Variants in NCAPG observed in about 807,000 individuals in gnomAD.
NCAPG encodes the protein condensin complex subunit 3.
NCAPG carries 69 observed loss-of-function variants against 113.1 expected under a neutral mutation model. The observed-to-expected ratio is 0.61, with a 90% CI of 0.50 to 0.75. The LOEUF (loss-of-function observed/expected upper bound fraction) is 0.75, where lower values mean the gene tolerates loss of function less well. Among genes scored for constraint, NCAPG ranks in the 30% least tolerant of loss-of-function variants. The pLI is 0.00. For synonymous variants in NCAPG, 370 were observed against 415.8 expected (o/e 0.89, Z 1.34); for missense variants, 1,058 against 1,177.0 (o/e 0.90, Z 1.48).
At chr4:17,825,744 T>C (rs1721636102) in intron 11 of NCAPG, among the ~76,000 whole-genome samples, 183 bp downstream of exon 11, 1 of 152,056 alleles carries the variant, frequency 6.6e-6, no homozygotes, top group Non-Finnish European at 1.5e-5. Flanking sequence ...AGGCCTTAAT[T>C]AACTTTAATT....
chr4:17,830,868 T>G, intron 12 of NCAPG, 129 bp from the exon 13 acceptor site: 1 of 885,286 alleles, frequency 1.1e-6, no homozygotes, highest in Admixed American at 2.8e-5. Context: ...TCTGGCTATA[T>G]TGTTCTGTTT....
At chr4:17,831,573 A>C (rs1449936335) in intron 13 of NCAPG, among the ~76,000 whole-genome samples, 1 of 152,186 alleles carries the variant, frequency 6.6e-6, no homozygotes, top group Non-Finnish European at 1.5e-5. Flanking sequence ...TGGTTGAGAA[A>C]GACCTCACTA....
intron 19 of NCAPG, 34 bp from the exon 20 acceptor site, chr4:17,842,276 A>G: frequency 6.3e-7 from 1 of 1,591,420 alleles, no homozygotes; most frequent in South Asian, 1.1e-5. Flanking sequence ...GCAACTGATA[A>G]TAAATCCTGA....
Position 17,834,506 on chromosome 4 carries a change from G to C in NCAPG, c.2092G>C (p.Asp698His). The C allele has an allele frequency of 1.3e-6, 2 of 1,588,114 alleles. No individual in the cohort carries two copies. Among genetic ancestry groups the C allele is most frequent in the Non-Finnish European group, 8.6e-7 (1 of 1,167,948 alleles). The change falls in exon 14 of 21, where the codon GAT becomes CAT. Residue 698 changes from aspartate to histidine, a missense_variant. Physicochemically the swap from Asp to His is moderately conservative, Grantham distance 81 (BLOSUM62 -1). Transcript: ENST00000251496. ...TAKNVLKLLS[D>H]FLDSEVSELR... is the part of the protein sequence containing the mutation. ...TAAGAATGTTCTGAAACTCCTTTCTGATTTCTTAGATAGTGAGGTAAGAAA... is the reference window on the plus strand; with the variant it reads ...TAAGAATGTTCTGAAACTCCTTTCTCATTTCTTAGATAGTGAGGTAAGAAA...
intron 5 of NCAPG, 172 bp from the exon 6 acceptor site, chr4:17,817,089 G>C: frequency 2.0e-6 from 1 of 510,240 alleles, no homozygotes; most frequent in East Asian, 3.3e-5. Context: ...CTCCAGCCTG[G>C]TGACAGAGCG....
chr4:17,812,914 T>G lies in NCAPG; in HGVS notation c.316-3T>G. ...AATAAATTTTGATTTGTTTCTGTTT[T>G]AGTCTCATGAAGCAAACAGCAATGC... On this transcript the variant is annotated splice_region_variant and splice_polypyrimidine_tract_variant and intron_variant, in intron 2 of 20. Transcript: ENST00000251496. The G allele has an allele frequency of 3.7e-6, 6 of 1,612,614 alleles. No homozygotes were observed. The highest frequency in any genetic ancestry group is 5.1e-6 in the Non-Finnish European group (6 of 1,178,818).
Position 17,811,030 on chromosome 4 carries a change from G to A in NCAPG, c.-48G>A. 8.0e-7 allele frequency: 1 copy of A among 1,255,946 alleles called. No homozygotes were observed. The highest frequency in any genetic ancestry group is 1.1e-6 in the Non-Finnish European group (1 of 927,024). 77.8% of individuals were successfully genotyped at this position (1,255,946 alleles called of 1,614,324 possible). A position where few individuals can be genotyped will look rare whatever the true frequency, so the allele number is the denominator to read the frequency against. On this transcript the variant is annotated 5_prime_UTR_variant, in exon 1 of 21. Coordinates refer to ENST00000251496, the MANE Select transcript of NCAPG (RefSeq NM_022346.5). This position sits in a 1 kb window ranked among gnomAD's most constrained non-coding sequence, Gnocchi z 5.3. ...TGCCTCTGGGTTGGCGGGCTGGCAG[G>A]CTGTAGCCGAGCGCGGGCAGGACTC...
intron 13 of NCAPG, among the ~76,000 whole-genome samples, chr4:17,831,748 GGGA>G (rs1721879013): frequency 6.6e-6 from 1 of 152,154 alleles, no homozygotes; most frequent in South Asian, 2.1e-4. Context: ...ATTGAGCAAA[GGGA>G]AGAATAATAG....
intron 9 of NCAPG, among the ~76,000 whole-genome samples, chr4:17,824,481 T>C (rs1336760793): frequency 1.3e-5 from 2 of 152,136 alleles, no homozygotes; most frequent in Admixed American, 6.5e-5. Context: ...GAGGCAGCCT[T>C]TTCCTGATCA....
chr4:17,830,969 CAT>C (rs1316723419), intron 12 of NCAPG, 26 bp from the exon 13 acceptor site: 4 of 1,599,058 alleles, frequency 2.5e-6, no homozygotes, highest in Non-Finnish European at 3.4e-6. Context: ...TCTATGAAAT[CAT>C]ATGGAAAATT....
At chr4:17,827,233 C>T (rs1358079220) in intron 11 of NCAPG, among the ~76,000 whole-genome samples, 2 of 152,180 alleles carry the variant, frequency 1.3e-5, no homozygotes, top group East Asian at 3.8e-4. Context: ...AAATTAAGGG[C>T]TAGGTCATGT....
At chr4:17,819,411 T>TG (rs1721354153) in intron 7 of NCAPG, among the ~76,000 whole-genome samples, 1 of 152,112 alleles carries the variant, frequency 6.6e-6, no homozygotes, top group African/African-American at 2.4e-5. Flanking sequence ...TGGTTTATTT[T>TG]TTTTTTTTTG....
intron 6 of NCAPG, 94 bp downstream of exon 6, chr4:17,817,547 T>TACCTTTAATTAAG: frequency 4.2e-6 from 4 of 953,384 alleles, no homozygotes; most frequent in Non-Finnish European, 6.3e-6. Context: ...ATTATATTAA[T>TACCTTTAATTAAG]ACCTTTAATC....
Position 17,812,099 on chromosome 4 carries a change from C to T in NCAPG, c.112-122C>T. 5.3e-6 allele frequency: 4 copies of T among 755,280 alleles called. No individual in the cohort carries two copies. The South Asian group carries it at 7.0e-5, about 13-fold the overall frequency. The allele number at this position is 755,280 out of a possible 1,614,324, so 46.8% of individuals were successfully genotyped here. A position where few individuals can be genotyped will look rare whatever the true frequency, so the allele number is the denominator to read the frequency against. ...GCTGGTTTGGATAATTAAGAGTTTA[C>T]TAAATAAATATTTTAATTTGTCTGC... is the stretch of plus-strand genomic sequence containing the variant. On this transcript the variant is annotated intron_variant, in intron 1 of 20. Transcript: ENST00000251496.
In NCAPG at chr4:17,811,406, C is replaced by T. The variant is rs889149592; in HGVS notation, c.111+218C>T. Among the ~76,000 whole-genome samples, 3 of 152,238 alleles carry T rather than the reference C, an allele frequency of 2.0e-5. No individual in the cohort carries two copies. Among genetic ancestry groups the T allele is most frequent in the African/African-American group, 4.8e-5 (2 of 41,462 alleles). On this transcript the variant is annotated intron_variant, in intron 1 of 20. Coordinates refer to ENST00000251496, the MANE Select transcript of NCAPG (RefSeq NM_022346.5). This position sits in a 1 kb window ranked among gnomAD's most constrained non-coding sequence, Gnocchi z 5.3. ...CTCCGAAGCCTGGGCGTCGTTCACACGGGCCCCGCCTTGGCTTTTCTGAGC... is the reference window on the plus strand; with the variant it reads ...CTCCGAAGCCTGGGCGTCGTTCACATGGGCCCCGCCTTGGCTTTTCTGAGC...
intron 4 of NCAPG, 62 bp downstream of exon 4, chr4:17,815,060 AGT>A: frequency 6.3e-7 from 1 of 1,586,684 alleles, no homozygotes; most frequent in African/African-American, 1.4e-5. Flanking sequence ...ATTTTCTTAA[AGT>A]GCCTTTGAAA....
chr4:17,816,249 G>A (rs1009790218), intron 5 of NCAPG, among the ~76,000 whole-genome samples: 1 of 152,036 alleles, frequency 6.6e-6, no homozygotes, highest in Admixed American at 6.6e-5. Context: ...CCTCATGTGC[G>A]CAGTTCACAA....
chr4:17,828,399 G>T lies in NCAPG; in HGVS notation c.1764+11G>T. 1 of 1,508,812 alleles carries T rather than the reference G, an allele frequency of 6.6e-7. No individual in the cohort carries two copies. Among genetic ancestry groups the T allele is most frequent in the Non-Finnish European group, 9.1e-7 (1 of 1,096,786 alleles). The allele number at this position is 1,508,812 out of a possible 1,614,324, so 93.5% of individuals were successfully genotyped here. ...ATCATCGAATCTTTGGTATGTTGAT[G>T]GCCTCTTGGGCTTTATTTTAGTCCA... On this transcript the variant is annotated intron_variant, in intron 12 of 20. Coordinates refer to ENST00000251496, the MANE Select transcript of NCAPG (RefSeq NM_022346.5).
At chr4:17,818,549 C>A (rs1229715714) in intron 7 of NCAPG, among the ~76,000 whole-genome samples, 1 of 152,018 alleles carries the variant, frequency 6.6e-6, no homozygotes, top group Non-Finnish European at 1.5e-5. Flanking sequence ...AATAGTTGAA[C>A]TTTAATATTC....
Sources: allele counts gnomAD v4.1 joint callset (sites outside exome capture counted in the v4.1 genomes callset), GRCh38; gene constraint gnomAD v4.1.1; non-coding constraint Gnocchi (gnomAD v3.1); transcripts MANE v1.5; gene names NCBI Gene and HGNC (gene_info 2026-07-23, HGNC 2026-07-21).